The following TBXAS1 variants were observed in gnomAD, a reference collection of about 807,000 sequenced individuals.
The protein encoded by TBXAS1 is thromboxane-A synthase.
Under a neutral mutation model 60.7 loss-of-function variants are expected in TBXAS1, and 48 were observed. The observed-to-expected ratio is 0.79, with a 90% CI of 0.63 to 1.01. The LOEUF (loss-of-function observed/expected upper bound fraction) is 1.01, where lower values mean the gene tolerates loss of function less well. Among genes scored for constraint, TBXAS1 ranks in the 50% least tolerant of loss-of-function variants. The pLI is 0.00. For missense variants in TBXAS1, 685 were observed against 686.3 expected, an observed-to-expected ratio of 1.00 and a Z score of 0.02; for synonymous variants, 287 against 269.7, an observed-to-expected ratio of 1.06 and a Z score of -0.63.
chr7:139,967,232 C>T (rs531078043), intron 9 of TBXAS1, among the ~76,000 whole-genome samples: 1 of 152,292 alleles, frequency 6.6e-6, no homozygotes, highest in Admixed American at 6.5e-5. Context: ...CCTCTCCTTC[C>T]TCCCTCCACC....
chr7:139,860,313 A>G (rs1800873368), intron 1 of TBXAS1, among the ~76,000 whole-genome samples: 1 of 152,010 alleles, frequency 6.6e-6, no homozygotes. Context: ...CTGTAGAAAC[A>G]GGAAGCTCAG....
At chr7:139,867,566 A>G (rs1207159862) in intron 1 of TBXAS1, among the ~76,000 whole-genome samples, 1 of 152,164 alleles carries the variant, frequency 6.6e-6, no homozygotes, top group Non-Finnish European at 1.5e-5. Flanking sequence ...ACACTTTGGA[A>G]TCCCCACACT....
At chr7:139,991,833 A>T (rs182457628) in intron 9 of TBXAS1, among the ~76,000 whole-genome samples, 31 of 152,348 alleles carry the variant, frequency 2.0e-4, no homozygotes, top group Non-Finnish European at 3.1e-4. Flanking sequence ...ACTGGACTGA[A>T]GCCCCGGAGA....
intron 3 of TBXAS1, among the ~76,000 whole-genome samples, chr7:139,890,550 C>A (rs998804737): frequency 1.4e-4 from 21 of 152,218 alleles, no homozygotes; most frequent in Admixed American, 4.6e-4. Flanking sequence ...GAACATTTTT[C>A]CCCCCAGAGT....
intron 1 of TBXAS1, among the ~76,000 whole-genome samples, chr7:139,862,513 C>T (rs537264598): frequency 1.4e-4 from 21 of 152,112 alleles, no homozygotes; most frequent in Admixed American, 1.2e-3. Context: ...ACTAAGGGCA[C>T]AGAAGGGGAG....
chr7:139,983,156 T>G (rs1405590198), intron 9 of TBXAS1, among the ~76,000 whole-genome samples: 1 of 152,212 alleles, frequency 6.6e-6, no homozygotes, highest in African/African-American at 2.4e-5. Flanking sequence ...GATATCAACA[T>G]TTTAAACCAA....
chr7:139,959,058 G>A (rs570311986), intron 8 of TBXAS1, among the ~76,000 whole-genome samples: 1 of 151,434 alleles, frequency 6.6e-6, no homozygotes, highest in African/African-American at 2.4e-5. Flanking sequence ...GCCTGGCTGT[G>A]GAATCAGGCT....
chr7:139,868,138 G>C (rs1016173506), intron 1 of TBXAS1, among the ~76,000 whole-genome samples: 1 of 152,158 alleles, frequency 6.6e-6, no homozygotes, highest in Non-Finnish European at 1.5e-5. Flanking sequence ...AACCATAATT[G>C]TGGGAAACAT....
At chr7:139,938,689 G>C (rs1454799604) in intron 5 of TBXAS1, among the ~76,000 whole-genome samples, 2 of 152,180 alleles carry the variant, frequency 1.3e-5, no homozygotes, top group Non-Finnish European at 2.9e-5. Flanking sequence ...GGTGAGCCTA[G>C]GGCTGGCATC....
chr7:139,948,736 T>C (rs937559725), intron 5 of TBXAS1, among the ~76,000 whole-genome samples: 1 of 152,222 alleles, frequency 6.6e-6, no homozygotes, highest in Non-Finnish European at 1.5e-5. Flanking sequence ...CACGTTTGCC[T>C]GCTTGTTCAA....
At chr7:139,824,538 G>A (rs952361531), upstream of TBXAS1, among the ~76,000 whole-genome samples, 6 of 152,196 alleles carry the variant, frequency 3.9e-5, no homozygotes, top group South Asian at 4.1e-4. Flanking sequence ...ATTACAACAC[G>A]TCTGTACAGT....
At chr7:139,909,720 T>A (rs570141570) in intron 3 of TBXAS1, among the ~76,000 whole-genome samples, 1 of 152,366 alleles carries the variant, frequency 6.6e-6, no homozygotes, top group African/African-American at 2.4e-5. Context: ...GGTAAATAAG[T>A]GCTAGAGTAA....
At chr7:139,927,666 T>C (rs1425594633) in intron 4 of TBXAS1, among the ~76,000 whole-genome samples, 1 of 152,170 alleles carries the variant, frequency 6.6e-6, no homozygotes, top group African/African-American at 2.4e-5. Context: ...CCTCTATATA[T>C]TTAGGTATTT....
rs959179077 is a variant in TBXAS1, at chr7:140,004,659, T to C, written c.1135-2432T>C. ...CCCTTCCAGGCATCCAAGGGCCCTG[T>C]CAGCCACCAGACACATGCACTGAGA... is the stretch of plus-strand genomic sequence containing the variant. On this transcript the variant is annotated intron_variant, in intron 9 of 12. Coordinates refer to ENST00000448866, the MANE Select transcript of TBXAS1 (RefSeq NM_001061.7). The surrounding 1 kb of genome is among the most constrained non-coding windows in gnomAD (Gnocchi z 5.1). Among the ~76,000 whole-genome samples the C allele has an allele frequency of 9.2e-5, 14 of 152,140 alleles. No individual in the cohort carries two copies. The highest frequency in any genetic ancestry group is 1.5e-5 in the Non-Finnish European group (1 of 68,026).
At chr7:139,810,931 T>C (rs1323769180) in intron 4 of TBXAS1, among the ~76,000 whole-genome samples, 1 of 152,216 alleles carries the variant, frequency 6.6e-6, no homozygotes, top group African/African-American at 2.4e-5. Context: ...ACTATGCCAG[T>C]GAGTCTGGGT....
At chr7:140,008,651 G>A (rs536732661) in intron 10 of TBXAS1, among the ~76,000 whole-genome samples, 11 of 152,120 alleles carry the variant, frequency 7.2e-5, no homozygotes, top group South Asian at 2.1e-4. Flanking sequence ...GTTTCACCAC[G>A]TTGGCCAGGC....
At chr7:139,964,045 G>A (rs973405187) in intron 9 of TBXAS1, among the ~76,000 whole-genome samples, 1 of 152,166 alleles carries the variant, frequency 6.6e-6, no homozygotes, top group African/African-American at 2.4e-5. Flanking sequence ...AAAGAGTCAT[G>A]AGGGTCACTC....
chr7:139,960,732 C>CA (rs538201159), intron 8 of TBXAS1, among the ~76,000 whole-genome samples: 2,719 of 72,268 alleles, frequency 0.038, 63 homozygotes, highest in African/African-American at 0.096. Context: ...GGTGACAGAG[C>CA]AAAAAAAAAA....
rs182314728 is a variant in TBXAS1 at position 140,016,260 on chromosome 7, G to A, written c.1364+400G>A. Reference sequence around the variant, plus strand: ...GGAGAATGGCGTGAACCCAGGAGGCGGAGCTTGCAGTGAGCCGAGATGGTG... The same window carrying A: ...GGAGAATGGCGTGAACCCAGGAGGCAGAGCTTGCAGTGAGCCGAGATGGTG... On this transcript the variant is annotated intron_variant, in intron 11 of 12. Coordinates refer to ENST00000448866, the MANE Select transcript of TBXAS1 (RefSeq NM_001061.7). 1.3e-3 allele frequency: 413 copies of A among 322,424 alleles called. 5 individuals are homozygous for A. In the East Asian group the frequency reaches 0.024, roughly 18 times the overall value. The allele number at this position is 322,424 out of a possible 1,614,324, so 20.0% of individuals were successfully genotyped here. A position where few individuals can be genotyped will look rare whatever the true frequency, so the allele number is the denominator to read the frequency against.
Sources: allele counts gnomAD v4.1 joint callset (sites outside exome capture counted in the v4.1 genomes callset), GRCh38; gene constraint gnomAD v4.1.1; non-coding constraint Gnocchi (gnomAD v3.1); transcripts MANE v1.5; gene names NCBI Gene and HGNC (gene_info 2026-07-23, HGNC 2026-07-21).